The following POLGARF variants were observed in gnomAD, a reference collection of about 807,000 sequenced individuals.
POLGARF encodes the protein POLG alternative reading frame.
the POLGARF span, chr15:89,332,944 C>A: frequency 9.7e-7 from 1 of 1,031,718 alleles, no homozygotes. Context: ...AAGTGAGTCC[C>A]ACATAAACAG....
At chr15:89,333,347 G>C in the POLGARF span, 234 of 1,568,212 alleles carry the variant, frequency 1.5e-4, no homozygotes, top group African/African-American at 2.9e-3. Flanking sequence ...GGAAGTGCTG[G>C]TCCAGGTTGT....
chr15:89,333,418 A>T, the POLGARF span: 2 of 1,606,678 alleles, frequency 1.2e-6, no homozygotes, highest in Non-Finnish European at 1.7e-6. Flanking sequence ...GGCTGCCCCC[A>T]GAGCCCGTGC....
the POLGARF span, chr15:89,333,588 GGCT>G: frequency 6.2e-7 from 1 of 1,604,890 alleles, no homozygotes. Context: ...CGGCTGCTGA[GGCT>G]GCTGTTGCTG....
the POLGARF span, among the ~76,000 whole-genome samples, chr15:89,332,817 T>C: frequency 4.9e-3 from 742 of 152,248 alleles, 18 homozygotes; most frequent in Admixed American, 0.039. Context: ...ATCACCGTGA[T>C]CTTAAGTGGC....
At chr15:89,332,766 A>C in the POLGARF span, among the ~76,000 whole-genome samples, 3 of 152,148 alleles carry the variant, frequency 2.0e-5, no homozygotes, top group Non-Finnish European at 4.4e-5. Context: ...TTTCAGACTA[A>C]CTTCTCATGA....
At chr15:89,333,667 C>T in the POLGARF span, 13 of 1,560,556 alleles carry the variant, frequency 8.3e-6, no homozygotes, top group Non-Finnish European at 1.1e-5. Context: ...GACGCGGGGA[C>T]GGAGCTGGAG....
At chr15:89,333,080 C>A in the POLGARF span, 1 of 1,510,260 alleles carries the variant, frequency 6.6e-7, no homozygotes, top group Admixed American at 2.3e-5. Flanking sequence ...ATGTCCCCAA[C>A]CCTGCCCCTA....
the POLGARF span, chr15:89,333,045 T>C: frequency 6.7e-7 from 1 of 1,499,222 alleles, no homozygotes; most frequent in Non-Finnish European, 8.9e-7. Context: ...AAACAAACTA[T>C]TAAGCTGGGC....
chr15:89,333,440 C>T, the POLGARF span: 1 of 1,609,456 alleles, frequency 6.2e-7, no homozygotes, highest in Non-Finnish European at 8.5e-7. Context: ...TCTGCAGGTG[C>T]TCGACGCTGC....
the POLGARF span, chr15:89,333,371 C>G: frequency 1.3e-6 from 2 of 1,576,996 alleles, no homozygotes; most frequent in South Asian, 2.3e-5. Context: ...CGTAGAGGGG[C>G]GGCAGGCGCA....
chr15:89,333,354 T>A, the POLGARF span: 7 of 1,571,044 alleles, frequency 4.5e-6, no homozygotes, highest in Admixed American at 9.2e-5. Context: ...CTGGTCCAGG[T>A]TGTCCCCGTA....
chr15:89,333,515 C>A, the POLGARF span: 1 of 1,612,866 alleles, frequency 6.2e-7, no homozygotes, highest in Non-Finnish European at 8.5e-7. Context: ...GCAGCCCTCT[C>A]GAGAGCATCT....
the POLGARF span, chr15:89,333,136 T>C: frequency 6.5e-7 from 1 of 1,528,856 alleles, no homozygotes; most frequent in Non-Finnish European, 8.8e-7. Context: ...GTGGGGCAAG[T>C]TCCCTCTGCC....
At chr15:89,333,588 G>A in the POLGARF span, 3 of 1,604,890 alleles carry the variant, frequency 1.9e-6, no homozygotes, top group Non-Finnish European at 2.5e-6. Context: ...CGGCTGCTGA[G>A]GCTGCTGTTG....
At chr15:89,330,552 C>T in the POLGARF span, among the ~76,000 whole-genome samples, 3 of 152,286 alleles carry the variant, frequency 2.0e-5, no homozygotes, top group East Asian at 5.8e-4. Flanking sequence ...TATTCTATTA[C>T]AGCCTGGGCT....
the POLGARF span, chr15:89,333,079 AC>A: frequency 7.3e-6 from 11 of 1,510,132 alleles, no homozygotes; most frequent in Non-Finnish European, 7.1e-6. Flanking sequence ...TATGTCCCCA[AC>A]CCTGCCCCTA....
the POLGARF span, chr15:89,333,106 G>C: frequency 6.6e-7 from 1 of 1,517,322 alleles, no homozygotes; most frequent in Non-Finnish European, 8.8e-7. Flanking sequence ...CAGGCCGAGG[G>C]GGATATGGCC....
At chr15:89,332,969 T>G in the POLGARF span, 2 of 1,291,456 alleles carry the variant, frequency 1.5e-6, no homozygotes, top group Non-Finnish European at 2.1e-6. Context: ...CTAGTCCTAA[T>G]TCAACACATC....
At chr15:89,332,608 G>A in the POLGARF span, among the ~76,000 whole-genome samples, 1 of 150,134 alleles carries the variant, frequency 6.7e-6, no homozygotes, top group Non-Finnish European at 1.5e-5. Flanking sequence ...GCGGGGGCAG[G>A]GGGGCGGGGG....
Sources: gnomAD v4.1 joint callset for allele counts (sites outside exome capture counted in the v4.1 genomes callset) on GRCh38, gnomAD v4.1.1 for gene constraint, MANE v1.5 for transcripts, NCBI Gene and HGNC (gene_info 2026-07-23, HGNC 2026-07-21) for gene names.